The following PPARGC1A variants were observed in gnomAD, a reference collection of about 807,000 sequenced individuals.
PPARGC1A encodes PPARG coactivator 1 alpha.
PPARGC1A carries 25 observed loss-of-function variants against 88.7 expected under a neutral mutation model. The ratio of observed to expected loss-of-function variants is 0.28; its 90% CI spans 0.21 to 0.39. The LOEUF is 0.39. Among genes scored for constraint, PPARGC1A ranks in the 10% least tolerant of loss-of-function variants. The pLI is 1.00. For synonymous variants in PPARGC1A, 363 were observed against 355.6 expected (o/e 1.02, Z -0.24); for missense variants, 880 against 968.7 (o/e 0.91, Z 1.22).
chr4:24,088,385 A>G, the PPARGC1A span, among the ~76,000 whole-genome samples: 4 of 151,890 alleles, frequency 2.6e-5, no homozygotes, highest in Non-Finnish European at 5.9e-5. Flanking sequence ...AAGAAGGAAG[A>G]AGGAAGAAAG....
chr4:23,879,385 T>C (rs1715464031), intron 2 of PPARGC1A, among the ~76,000 whole-genome samples: 1 of 152,284 alleles, frequency 6.6e-6, no homozygotes. Context: ...GTTCTGTCCC[T>C]GAGGCAGTGG....
At chr4:23,901,590 T>C (rs549398135), upstream of PPARGC1A, among the ~76,000 whole-genome samples, 22 of 150,858 alleles carry the variant, frequency 1.5e-4, no homozygotes, top group Non-Finnish European at 3.0e-4. Context: ...AAGACATCCA[T>C]ATGGTGCATG....
At chr4:24,437,604 TTGTTG>T in the PPARGC1A span, among the ~76,000 whole-genome samples, 1 of 111,462 alleles carries the variant, frequency 9.0e-6, no homozygotes, top group Non-Finnish European at 2.0e-5. Flanking sequence ...TTTGTTGTTG[TTGTTG>T]TTGTTGTTGT....
chr4:24,111,195 C>T, the PPARGC1A span, among the ~76,000 whole-genome samples: 5 of 152,032 alleles, frequency 3.3e-5, no homozygotes, highest in Non-Finnish European at 5.9e-5. Flanking sequence ...AATTGAGATT[C>T]CTAGTTGATG....
chr4:24,138,278 C>T, the PPARGC1A span, among the ~76,000 whole-genome samples: 1 of 152,164 alleles, frequency 6.6e-6, no homozygotes, highest in African/African-American at 2.4e-5. Flanking sequence ...AGAGCATATC[C>T]ACCCACAGCC....
At chr4:24,398,927 A>G in the PPARGC1A span, among the ~76,000 whole-genome samples, 31 of 152,268 alleles carry the variant, frequency 2.0e-4, no homozygotes, top group Admixed American at 6.5e-4. Flanking sequence ...GGAAGAAGAT[A>G]TTTTCCCCAC....
the PPARGC1A span, among the ~76,000 whole-genome samples, chr4:24,050,038 A>T: frequency 6.6e-6 from 1 of 152,110 alleles, no homozygotes; most frequent in Admixed American, 6.5e-5. Flanking sequence ...TCTAATGTTC[A>T]TTCTGTGATT....
the PPARGC1A span, among the ~76,000 whole-genome samples, chr4:24,429,060 G>A: frequency 2.2e-4 from 33 of 152,288 alleles, no homozygotes; most frequent in African/African-American, 7.9e-4. Flanking sequence ...ATTTGGCCTG[G>A]AACAGTGGCA....
chr4:24,236,259 C>A, the PPARGC1A span, among the ~76,000 whole-genome samples: 2 of 152,114 alleles, frequency 1.3e-5, no homozygotes, highest in Non-Finnish European at 2.9e-5. Context: ...AGTGAGCAAG[C>A]TTTATCTAAG....
At chr4:23,876,284 T>C (rs537017166) in intron 2 of PPARGC1A, among the ~76,000 whole-genome samples, 1 of 152,352 alleles carries the variant, frequency 6.6e-6, no homozygotes, top group East Asian at 1.9e-4. Flanking sequence ...AAAATTCTGA[T>C]CCTATTATAG....
At chr4:24,003,351 T>C in the PPARGC1A span, among the ~76,000 whole-genome samples, 5 of 152,142 alleles carry the variant, frequency 3.3e-5, no homozygotes, top group African/African-American at 1.2e-4. Flanking sequence ...GGGAACTTAG[T>C]TGAATATATT....
the PPARGC1A span, among the ~76,000 whole-genome samples, chr4:24,215,769 T>C: frequency 5.3e-5 from 8 of 152,198 alleles, no homozygotes; most frequent in Non-Finnish European, 1.2e-4. Flanking sequence ...GATATCCACA[T>C]TGAATTAAAG....
intron 2 of PPARGC1A, among the ~76,000 whole-genome samples, chr4:23,840,399 G>T (rs1726853689): frequency 6.6e-6 from 1 of 152,106 alleles, no homozygotes; most frequent in Non-Finnish European, 1.5e-5. Context: ...CCACAAAAAT[G>T]CCAAGCATTC....
chr4:24,050,910 G>T, the PPARGC1A span, among the ~76,000 whole-genome samples: 1 of 151,980 alleles, frequency 6.6e-6, no homozygotes, highest in South Asian at 2.1e-4. Context: ...GGTCTGGGCC[G>T]GGCGCAGTGG....
chr4:24,048,023 G>C, the PPARGC1A span, among the ~76,000 whole-genome samples: 1 of 152,102 alleles, frequency 6.6e-6, no homozygotes, highest in Non-Finnish European at 1.5e-5. Context: ...CATGTCTTTT[G>C]ATGTGCCCAA....
At chr4:24,139,082 T>C in the PPARGC1A span, among the ~76,000 whole-genome samples, 2 of 152,136 alleles carry the variant, frequency 1.3e-5, no homozygotes, top group African/African-American at 4.8e-5. Context: ...CAAAGTGTGT[T>C]AAACTATTTC....
the PPARGC1A span, among the ~76,000 whole-genome samples, chr4:24,172,731 T>G: frequency 6.6e-6 from 1 of 152,218 alleles, no homozygotes; most frequent in African/African-American, 2.4e-5. Context: ...AGACAGTTCA[T>G]CCGTTGAAAT....
the PPARGC1A span, among the ~76,000 whole-genome samples, chr4:23,950,742 C>G: frequency 6.6e-6 from 1 of 152,100 alleles, no homozygotes; most frequent in South Asian, 2.1e-4. Flanking sequence ...GTGGTTAGTT[C>G]TCTTCCTTAC....
the PPARGC1A span, among the ~76,000 whole-genome samples, chr4:24,296,666 C>A: frequency 6.6e-6 from 1 of 152,138 alleles, no homozygotes; most frequent in Non-Finnish European, 1.5e-5. Context: ...AAATTAGCAT[C>A]CCATTCCCAT....
Sources: allele counts gnomAD v4.1 joint callset (sites outside exome capture counted in the v4.1 genomes callset), GRCh38; gene constraint gnomAD v4.1.1; transcripts MANE v1.5; gene names NCBI Gene and HGNC (gene_info 2026-07-23, HGNC 2026-07-21).